WDR90: variants seen among roughly 807,000 people sequenced by gnomAD.
The protein encoded by WDR90 is WD repeat domain 90, also known as WD repeat-containing protein 90.
WDR90 carries 238 observed loss-of-function variants against 195.2 expected under a neutral mutation model. The observed-to-expected ratio is 1.22, with a 90% CI of 1.10 to 1.36. WDR90 has a LOEUF of 1.36. Ranked by LOEUF, WDR90 falls within the 40% of genes most tolerant of loss-of-function variation. The pLI is 0.00. For synonymous variants in WDR90, 1,265 were observed against 1,052.4 expected, an observed-to-expected ratio of 1.20 and a Z score of -3.91; for missense variants, 2,734 against 2,439.5, an observed-to-expected ratio of 1.12 and a Z score of -2.54.
rs566783430 is a variant in WDR90, at chr16:653,773, C to G, written c.1407C>G (p.Cys469Trp). The stretch of plus-strand genomic sequence containing the variant: ...TCTCTGACAGCGGGGCCCTTCTCTG[C>G]GGGGTTGGCAAGGACCACCACGGGA... ...LSFSDSGALL[C>W]GVGKDHHGRT... is the part of the protein sequence containing the mutation. The change falls in exon 13 of 41, where the codon TGC becomes TGG. Residue 469 changes from cysteine (C) to tryptophan (W), a missense_variant. Physicochemically the swap from Cys to Trp is radical, Grantham distance 215. Transcript: ENST00000293879. The G allele has an allele frequency of 1.2e-6, 2 of 1,613,246 alleles. No homozygotes were observed. Among genetic ancestry groups the G allele is most frequent in the South Asian group, 2.2e-5 (2 of 91,088 alleles).
intron 17 of WDR90, 100 bp downstream of exon 17, chr16:655,989 G>T: frequency 7.4e-7 from 1 of 1,352,266 alleles, no homozygotes; most frequent in Admixed American, 2.1e-5. Flanking sequence ...AGCCGCCCTG[G>T]CTCCTGGCTG....
intron 23 of WDR90, 115 bp from the exon 24 acceptor site, chr16:658,781 T>G (rs2037818919): frequency 2.6e-6 from 4 of 1,553,272 alleles, no homozygotes; most frequent in Non-Finnish European, 3.5e-6. Flanking sequence ...CCCCCAAGGA[T>G]CCTCTGTGCC....
intron 23 of WDR90, 76 bp downstream of exon 23, chr16:658,729 G>A: frequency 6.4e-7 from 1 of 1,573,346 alleles, no homozygotes; most frequent in South Asian, 1.1e-5. Context: ...CTGCAGGTGT[G>A]GGTGGGGGCA....
chr16:660,158 C>A lies in WDR90; in HGVS notation c.3285C>A (p.Ala1095=). 6.5e-7 allele frequency: 1 copy of A among 1,526,896 alleles called. No homozygotes were observed. The highest frequency in any genetic ancestry group is 1.2e-5 in the South Asian group (1 of 82,500). The allele number at this position is 1,526,896 out of a possible 1,614,324, so 94.6% of individuals were successfully genotyped here. ...PARVSCSPHS[A]KGTCPPPASG... is the part of the protein sequence containing the mutation. ...GGGTCAGCTGCAGCCCCCACTCTGC[C>A]AAGGTGGGGAGTGGTTTCTGGGAGC... The change falls in exon 27 of 41, where the codon GCC becomes GCA. Residue 1095 remains alanine (A), a synonymous_variant. Transcript: ENST00000293879.
upstream of WDR90, chr16:649,205 G>A (rs1245994221): frequency 2.1e-6 from 1 of 471,624 alleles, no homozygotes; most frequent in Non-Finnish European, 3.4e-6. Context: ...GCGGGGCAAA[G>A]GGCAGCGGGA....
At chr16:652,102 C>A in intron 9 of WDR90, 63 bp downstream of exon 9, 1 of 1,504,338 alleles carries the variant, frequency 6.6e-7, no homozygotes, top group Non-Finnish European at 8.9e-7. Flanking sequence ...GCTGGTAGCC[C>A]GCCCCGAGAT....
At chr16:652,355 A>G (rs1015033523) in intron 9 of WDR90, 112 bp from the exon 10 acceptor site, 3 of 1,252,288 alleles carry the variant, frequency 2.4e-6, no homozygotes, top group Admixed American at 2.3e-5. Context: ...GGACCAGGGC[A>G]GTCTTCTTGA....
chr16:666,696 C>T lies in WDR90; in HGVS notation c.4908C>T (p.Ser1636=). 1.2e-6 allele frequency: 2 copies of T among 1,612,794 alleles called. No individual in the cohort carries two copies. Among genetic ancestry groups the T allele is most frequent in the South Asian group, 2.2e-5 (2 of 91,084 alleles). The change falls in exon 39 of 41, where the codon TCC becomes TCT. Residue 1636 remains serine, a synonymous_variant. Transcript: ENST00000293879. The part of the protein sequence containing the change: ...TTETQGHLPP[S]LAAFCPWDGA... Reference sequence around the variant, plus strand: ...AGACTCAGGGCCACCTGCCACCCTCCCTCGCTGCCTTCTGCCCTTGGGATG... The same window carrying T: ...AGACTCAGGGCCACCTGCCACCCTCTCTCGCTGCCTTCTGCCCTTGGGATG...
rs1202988835 is a variant in WDR90 at position 650,055 on chromosome 16, A to G, written c.167A>G (p.Gln56Arg). Residue 56 changes from glutamine to arginine, a missense_variant, in exon 3 of 41, where the codon CAG becomes CGG. Transcript: ENST00000293879. ...TCAGTCTCTGCCGCCAACTACATCC[A>G]GCTCCCTAAGAGCAGCACCCAGTCT... ...RGSVSAANYIQLPKSSTQSLG... is the reference protein window; with the variant it reads ...RGSVSAANYIRLPKSSTQSLG... The G allele has an allele frequency of 6.2e-7, 1 of 1,612,874 alleles. No individual in the cohort carries two copies. The highest frequency in any genetic ancestry group is 8.5e-7 in the Non-Finnish European group (1 of 1,179,968).
chr16:651,455 C>T (rs529718299), intron 7 of WDR90, among the ~76,000 whole-genome samples, 189 bp downstream of exon 7: 8 of 152,174 alleles, frequency 5.3e-5, no homozygotes, highest in Admixed American at 1.3e-4. Context: ...GAGGGGTACC[C>T]GGGGGCCCCA....
chr16:657,292 A>G (rs1274701465), intron 20 of WDR90, 71 bp downstream of exon 20: 2 of 1,459,242 alleles, frequency 1.4e-6, no homozygotes, highest in Admixed American at 5.0e-5. Flanking sequence ...GCAGGCCCAC[A>G]CCTGGACACA....
Position 661,491 on chromosome 16 carries a change from T to G in WDR90, c.3663T>G (p.Leu1221=). ...CCTTCTCACCAGATGACAGGCTTCT[T>G]GTCACACTGGGTCAGTGGGAGGGAG... ...ALAFSPDDRL[L]VTLGDHDGRT... Residue 1221 remains leucine, a synonymous_variant, in exon 30 of 41, where the codon CTT becomes CTG. Transcript: ENST00000293879. The G allele has an allele frequency of 1.2e-6, 2 of 1,605,644 alleles. No individual in the cohort carries two copies. Among genetic ancestry groups the G allele is most frequent in the Admixed American group, 1.7e-5 (1 of 59,696 alleles).
chr16:667,577 C>T lies in WDR90; in HGVS notation c.5235C>T (p.Val1745=), dbSNP rs747933208. 1 of 1,608,846 alleles carries T rather than the reference C, an allele frequency of 6.2e-7. No individual in the cohort carries two copies. Among genetic ancestry groups the T allele is most frequent in the Admixed American group, 1.7e-5 (1 of 60,014 alleles). ...GCAACGAGATCCTTGTGTGGGAGGT[C>T]CCCGGCCTCTGAGATGCAGCAGGGA... ...AARNEILVWE[V]PGL is the part of the protein sequence containing the mutation. The change falls in exon 41 of 41, where the codon GTC becomes GTT. Residue 1745 remains valine, a synonymous_variant. Coordinates refer to ENST00000293879, the MANE Select transcript of WDR90 (RefSeq NM_145294.5).
In WDR90 at chr16:666,286, C is replaced by G. The variant is rs769918413; in HGVS notation, c.4676C>G (p.Thr1559Ser). The change falls in exon 37 of 41, where the codon ACC (threonine) becomes AGC (serine). Residue 1559 changes from threonine (T) to serine (S), a missense_variant. Thr to Ser is a moderately conservative substitution (Grantham distance 58, BLOSUM62 1). Transcript: ENST00000293879. ...GTGAGCCACCCCTGCACAGGGACAA[C>G]CTTCCGTGTGCTGAGTGACCACCAG... is the stretch of plus-strand genomic sequence containing the variant. The part of the protein sequence containing the change: ...VAVSHPCTGT[T>S]FRVLSDHQGA... 2.5e-6 allele frequency: 4 copies of G among 1,612,746 alleles called. No homozygotes were observed. The highest frequency in any genetic ancestry group is 2.5e-6 in the Non-Finnish European group (3 of 1,179,992).
Position 661,871 on chromosome 16 carries a change from C to T in WDR90, c.3865-20C>T, listed in dbSNP as rs778266095. On this transcript the variant is annotated intron_variant, in intron 31 of 40. Coordinates refer to ENST00000293879, the MANE Select transcript of WDR90 (RefSeq NM_145294.5). ...GCCCCGGGACACTGCTGACCCATGG[C>T]CACTCTCATACTTTGCCAGGTGCGT... 19 of 1,600,642 alleles carry T rather than the reference C, an allele frequency of 1.2e-5. No individual in the cohort carries two copies. The highest frequency in any genetic ancestry group is 1.7e-4 in the Middle Eastern group (1 of 6,040).
rs527412629 is a variant in WDR90, at chr16:661,246, G to A, written c.3513+74G>A. Reference sequence around the variant, plus strand: ...CAGAACCCAGCTCCCGGACCGGTGCGGGTTCTCACCACCAAAGACGGAGCA... The same window carrying A: ...CAGAACCCAGCTCCCGGACCGGTGCAGGTTCTCACCACCAAAGACGGAGCA... On this transcript the variant is annotated intron_variant, in intron 29 of 40. Transcript: ENST00000293879. The A allele has an allele frequency of 2.2e-5, 34 of 1,522,644 alleles. No homozygotes were observed. In the East Asian group the frequency reaches 3.1e-4, roughly 14 times the overall value. 94.3% of individuals were successfully genotyped at this position (1,522,644 alleles called of 1,614,324 possible).
rs777738053 is a variant in WDR90 at position 665,819 on chromosome 16, G to C, written c.4434+18G>C. The C allele has an allele frequency of 3.8e-6, 6 of 1,564,740 alleles. No individual in the cohort carries two copies. The East Asian group carries it at 1.1e-4, about 29-fold the overall frequency. Reference sequence around the variant, plus strand: ...TGAACCAGGTGTGTGGGGAGTGCCCGGGCCGGGGGCGGGATGGGGGCCTGC... The same window carrying C: ...TGAACCAGGTGTGTGGGGAGTGCCCCGGCCGGGGGCGGGATGGGGGCCTGC... On this transcript the variant is annotated intron_variant, in intron 35 of 40. Coordinates refer to ENST00000293879, the MANE Select transcript of WDR90 (RefSeq NM_145294.5).
chr16:652,472 C>T lies in WDR90; in HGVS notation c.1059C>T (p.Phe353=), dbSNP rs1326818436. The T allele has an allele frequency of 5.0e-6, 8 of 1,606,042 alleles. No homozygotes were observed. The African/African-American group carries it at 8.0e-5, about 16-fold the overall frequency. The change falls in exon 10 of 41, where the codon TTC becomes TTT. Residue 353 remains phenylalanine, a synonymous_variant. Coordinates refer to ENST00000293879, the MANE Select transcript of WDR90 (RefSeq NM_145294.5). ...PVARTGSCEG[F]LPDPVLRLKG... is the part of the protein sequence containing the mutation. Reference sequence around the variant, plus strand: ...GATGCGAATGGCTGTTTCAGGGCTTCCTCCCAGACCCAGTCCTGAGGCTCA... The same window carrying T: ...GATGCGAATGGCTGTTTCAGGGCTTTCTCCCAGACCCAGTCCTGAGGCTCA...
At chr16:662,971 TG>T in intron 34 of WDR90, 127 bp downstream of exon 34, 1 of 1,413,858 alleles carries the variant, frequency 7.1e-7, no homozygotes, top group Non-Finnish European at 9.6e-7. Context: ...GCGGCCGCCT[TG>T]GGGTTCCCAG....
Sources: gnomAD v4.1 joint callset for allele counts (sites outside exome capture counted in the v4.1 genomes callset) on GRCh38, gnomAD v4.1.1 for gene constraint, MANE v1.5 for transcripts, NCBI Gene and HGNC (gene_info 2026-07-23, HGNC 2026-07-21) for gene names.